Variants in MAP4 observed in about 807,000 individuals in gnomAD.
The protein encoded by MAP4 is microtubule-associated protein 4.
Under a neutral mutation model 170.2 loss-of-function variants are expected in MAP4, and 76 were observed. The ratio of observed to expected loss-of-function variants is 0.45; its 90% CI spans 0.37 to 0.54. MAP4 has a LOEUF of 0.54. Among genes scored for constraint, MAP4 ranks in the 20% least tolerant of loss-of-function variants. MAP4 has a pLI of 0.00. For missense variants in MAP4, 2,506 were observed against 2,748.0 expected (o/e 0.91, Z 1.97); for synonymous variants, 909 against 994.5 (o/e 0.91, Z 1.62).
At chr3:48,002,145 AT>A (rs2100099491) in intron 1 of MAP4, among the ~76,000 whole-genome samples, 1 of 151,890 alleles carries the variant, frequency 6.6e-6, no homozygotes, top group Non-Finnish European at 1.5e-5. Context: ...ATAGTGTGCA[AT>A]GATCACGTCT....
chr3:47,969,014 T>C (rs1013596387), intron 3 of MAP4, among the ~76,000 whole-genome samples: 3 of 152,082 alleles, frequency 2.0e-5, no homozygotes, highest in East Asian at 3.8e-4. Context: ...TCTAGAAACA[T>C]AAAAACTACT....
At chr3:48,029,081 G>A (rs552455653) in intron 1 of MAP4, among the ~76,000 whole-genome samples, 1 of 151,902 alleles carries the variant, frequency 6.6e-6, no homozygotes, top group African/African-American at 2.4e-5. Flanking sequence ...GGGAAGTTGA[G>A]GATGAGTGAG....
chr3:47,951,849 C>CA (rs933556001), intron 3 of MAP4, among the ~76,000 whole-genome samples: 6 of 150,992 alleles, frequency 4.0e-5, no homozygotes, highest in African/African-American at 1.5e-4. Flanking sequence ...CCTGGCTGCC[C>CA]AGTCTGGAAA....
intron 3 of MAP4, among the ~76,000 whole-genome samples, chr3:47,953,746 G>T (rs1288515101): frequency 6.6e-6 from 1 of 152,120 alleles, no homozygotes; most frequent in African/African-American, 2.4e-5. Flanking sequence ...GGGCATGGTG[G>T]TTCACACCTG....
chr3:47,893,098 G>A (rs1364465567), intron 10 of MAP4, among the ~76,000 whole-genome samples: 2 of 151,648 alleles, frequency 1.3e-5, no homozygotes, highest in Non-Finnish European at 2.9e-5. Flanking sequence ...GAGGAAGAGT[G>A]GGTTTGCTGT....
intron 10 of MAP4, among the ~76,000 whole-genome samples, chr3:47,880,171 A>T (rs1290155867): frequency 2.0e-5 from 3 of 151,260 alleles, no homozygotes; most frequent in African/African-American, 7.3e-5. Flanking sequence ...GTGTGATCTC[A>T]GCTCACTGCA....
chr3:47,867,460 A>G (rs1377538398), intron 16 of MAP4, 122 bp from the exon 17 acceptor site: 1 of 713,134 alleles, frequency 1.4e-6, no homozygotes, highest in Admixed American at 2.4e-5. Flanking sequence ...TTAAACCTCC[A>G]CCCCCACCTT....
intron 1 of MAP4, among the ~76,000 whole-genome samples, chr3:48,063,404 TAAA>T (rs35033632): frequency 2.2e-5 from 3 of 136,166 alleles, no homozygotes. Flanking sequence ...ACCTGTGTCT[TAAA>T]AAAAAAAAAA....
chr3:48,068,821 C>T (rs2100139644), intron 1 of MAP4, among the ~76,000 whole-genome samples: 1 of 152,150 alleles, frequency 6.6e-6, no homozygotes, highest in South Asian at 2.1e-4. Flanking sequence ...ATGCCAGGCT[C>T]CTAAGACATT....
At chr3:48,018,114 T>C (rs2100108711), upstream of MAP4, among the ~76,000 whole-genome samples, 1 of 152,214 alleles carries the variant, frequency 6.6e-6, no homozygotes, top group Non-Finnish European at 1.5e-5. Flanking sequence ...GTTAATGTAA[T>C]GCTGTTCACC....
chr3:48,060,852 T>C (rs1304522104), intron 1 of MAP4, among the ~76,000 whole-genome samples: 2 of 152,116 alleles, frequency 1.3e-5, no homozygotes, highest in African/African-American at 4.8e-5. Flanking sequence ...TACAAATAAC[T>C]TTTTTTATTT....
intron 5 of MAP4, 119 bp from the exon 6 acceptor site, chr3:47,918,960 G>T: frequency 1.3e-6 from 1 of 768,072 alleles, no homozygotes; most frequent in Non-Finnish European, 2.0e-6. Context: ...ACAGAGTTTC[G>T]CTCTGTTGCC....
At position 47,912,430 on chromosome 3, in the gene MAP4, C is replaced by A; in HGVS notation, c.2000-9G>T. 1.4e-6 allele frequency: 2 copies of A among 1,454,398 alleles called. No homozygotes were observed. The highest frequency in any genetic ancestry group is 9.0e-7 in the Non-Finnish European group (1 of 1,106,616). The allele number at this position is 1,454,398 out of a possible 1,614,324, so 90.1% of individuals were successfully genotyped here. ...GCAATACATGAAGTTGGCTAAAATT[C>A]CAAACAAAAAACTCCTCGTTATTGT... On this transcript the variant is annotated splice_polypyrimidine_tract_variant and intron_variant, in intron 8 of 20. Transcript: ENST00000683076.
rs769703122 is a variant in MAP4, at chr3:47,871,930, G to A, written c.5928C>T (p.Pro1976=). 1 of 1,611,662 alleles carries A rather than the reference G, an allele frequency of 6.2e-7. No homozygotes were observed. Among genetic ancestry groups the A allele is most frequent in the Admixed American group, 1.7e-5 (1 of 59,864 alleles). The change falls in exon 13 of 21, where the codon CCC becomes CCT. Residue 1976 remains proline (P), a synonymous_variant. Transcript: ENST00000683076. ...PSSRSPSTLL[P]KKPTAIKTEG... is the part of the protein sequence containing the mutation. ...GGCAATACTCACCAGTGGGCTTCTT[G>A]GGCAGGAGCGTGGAGGGGCTCCTAC... is the stretch of plus-strand genomic sequence containing the variant.
At chr3:47,914,421 G>A (rs1326125686) in intron 8 of MAP4, among the ~76,000 whole-genome samples, 1 of 151,900 alleles carries the variant, frequency 6.6e-6, no homozygotes, top group African/African-American at 2.4e-5. Flanking sequence ...ATGGTGGCAG[G>A]CGCCTGTAAT....
chr3:48,006,614 A>C (rs987649634), intron 1 of MAP4, among the ~76,000 whole-genome samples: 1 of 152,226 alleles, frequency 6.6e-6, no homozygotes, highest in Non-Finnish European at 1.5e-5. Flanking sequence ...GCCAAATAGA[A>C]GCCCTTAGAG....
At chr3:47,929,948 G>A (rs1259293815) in intron 3 of MAP4, among the ~76,000 whole-genome samples, 2 of 151,956 alleles carry the variant, frequency 1.3e-5, no homozygotes, top group Non-Finnish European at 2.9e-5. Context: ...GGCCAACTGG[G>A]TGACACCCCA....
chr3:47,869,396 G>A (rs2086840392), intron 15 of MAP4, 69 bp from the exon 16 acceptor site: 1 of 1,066,670 alleles, frequency 9.4e-7, no homozygotes, highest in Admixed American at 1.7e-5. Flanking sequence ...AAGAAGGGAA[G>A]AAGGCTGTAG....
intron 10 of MAP4, among the ~76,000 whole-genome samples, chr3:47,882,712 C>A (rs2096950034): frequency 6.6e-6 from 1 of 151,596 alleles, no homozygotes; most frequent in African/African-American, 2.4e-5. Flanking sequence ...GTAGCTGGGA[C>A]TACAGATGCA....
Sources: allele counts gnomAD v4.1 joint callset (sites outside exome capture counted in the v4.1 genomes callset), GRCh38; gene constraint gnomAD v4.1.1; transcripts MANE v1.5; gene names NCBI Gene and HGNC (gene_info 2026-07-23, HGNC 2026-07-21).